ENO4: variants seen among roughly 807,000 people sequenced by gnomAD.
ENO4 encodes 2-phospho-D-glycerate hydro-lyase.
In ENO4, 53 loss-of-function variants were observed where a neutral mutation model predicts 63.2. The observed-to-expected ratio is 0.84, with a 90% confidence interval of 0.67 to 1.05. The LOEUF is 1.05. ENO4 is among the 50% of genes least tolerant of loss of function. The pLI, the probability that ENO4 is intolerant of heterozygous loss-of-function variation, is 0.00. For synonymous variants in ENO4, 266 were observed against 283.8 expected (o/e 0.94, Z 0.63); for missense variants, 719 against 772.0 (o/e 0.93, Z 0.81).
chr10:116,900,516 T>C (rs1382622817), intron 10 of ENO4: 2 of 1,513,062 alleles, frequency 1.3e-6, no homozygotes, highest in Admixed American at 3.9e-5. Context: ...AGGAAGGAGT[T>C]GCAGTATTTT....
chr10:116,852,946 G>A (rs1329340499), intron 1 of ENO4, among the ~76,000 whole-genome samples: 1 of 152,154 alleles, frequency 6.6e-6, no homozygotes, highest in African/African-American at 2.4e-5. Context: ...CAGATTACAG[G>A]ACCATGAGCA....
chr10:116,854,244 G>A (rs12256769), intron 1 of ENO4, among the ~76,000 whole-genome samples: 3,990 of 152,114 alleles, frequency 0.026, 148 homozygotes, highest in African/African-American at 0.079. Context: ...AAAATATCAC[G>A]TGCCTTGCTG....
chr10:116,900,984 A>T, intron 10 of ENO4: 1 of 985,440 alleles, frequency 1.0e-6, no homozygotes, highest in Non-Finnish European at 1.2e-6. Context: ...TAAGACAGCT[A>T]GAGTTACAAA....
intron 8 of ENO4, among the ~76,000 whole-genome samples, chr10:116,870,409 G>A (rs1024201560): frequency 6.6e-6 from 1 of 152,106 alleles, no homozygotes; most frequent in African/African-American, 2.4e-5. Context: ...TGTAATCACA[G>A]CACTTTGGGA....
chr10:116,851,369 C>T (rs142120574), intron 1 of ENO4, among the ~76,000 whole-genome samples: 1 of 152,270 alleles, frequency 6.6e-6, no homozygotes, highest in African/African-American at 2.4e-5. Flanking sequence ...GCTTGGACTT[C>T]GAAGGATGTT....
At chr10:116,886,554 G>A (rs1213965562), downstream of ENO4, 4 of 1,613,972 alleles carry the variant, frequency 2.5e-6, no homozygotes, top group Non-Finnish European at 3.4e-6. Context: ...TGCATCCAAT[G>A]CTACTGGGAG....
chr10:116,855,845 A>G (rs1846244042), intron 2 of ENO4, 94 bp downstream of exon 2: 2 of 1,345,250 alleles, frequency 1.5e-6, no homozygotes, highest in South Asian at 3.1e-5. Flanking sequence ...TTGTTTTGAA[A>G]TTCAGTGTTT....
chr10:116,900,166 TTTTA>T (rs1204893705), intron 10 of ENO4: 9 of 187,984 alleles, frequency 4.8e-5, no homozygotes, highest in Admixed American at 4.6e-4. Flanking sequence ...GCATCAGTTA[TTTTA>T]TTTAGCTAAA....
chr10:116,901,716 C>A, intron 10 of ENO4: 1 of 1,456,462 alleles, frequency 6.9e-7, no homozygotes, highest in Non-Finnish European at 9.0e-7. Context: ...ACAAGTTAGT[C>A]ATTACAGATT....
At chr10:116,866,635 G>A (rs1017552737) in intron 7 of ENO4, among the ~76,000 whole-genome samples, 8 of 151,936 alleles carry the variant, frequency 5.3e-5, no homozygotes, top group South Asian at 2.1e-4. Flanking sequence ...GCAACATAGC[G>A]AGACCTTGTC....
downstream of ENO4, chr10:116,885,192 C>T (rs1278088906): frequency 6.6e-6 from 1 of 152,620 alleles, no homozygotes; most frequent in Non-Finnish European, 1.5e-5. Context: ...AAACACCTGA[C>T]AGCTACATGC....
rs549105131 is a variant in ENO4, at chr10:116,895,313, G to A, written c.1194+15327G>A. ...ATGTGCAAATAGAACTTATGCTGAC[G>A]ACTAAAGTAGCTTAAGGCTGGTATT... On this transcript the variant is annotated intron_variant, in intron 10 of 10. Transcript: ENST00000369207. 9.2e-5 allele frequency among the ~76,000 whole-genome samples: 14 copies of A among 152,272 alleles called. No individual in the cohort carries two copies. The East Asian group carries it at 1.9e-3, about 21-fold the overall frequency.
chr10:116,892,203 T>C (rs1270586868), intron 10 of ENO4, among the ~76,000 whole-genome samples: 2 of 152,210 alleles, frequency 1.3e-5, no homozygotes, highest in African/African-American at 2.4e-5. Context: ...GGGAGCCTTG[T>C]AGCTTGTACC....
At chr10:116,874,031 T>C (rs1479314795) in intron 9 of ENO4, 45 bp from the exon 10 acceptor site, 4 of 1,485,072 alleles carry the variant, frequency 2.7e-6, no homozygotes, top group African/African-American at 2.8e-5. Context: ...ATTTGATGAA[T>C]TCATTATTTA....
chr10:116,911,920 A>C, downstream of ENO4: 1 of 1,008,896 alleles, frequency 9.9e-7, no homozygotes, highest in Non-Finnish European at 1.6e-6. Context: ...TACATGGCAA[A>C]CTATTAGTAG....
intron 7 of ENO4, among the ~76,000 whole-genome samples, chr10:116,868,189 T>A (rs565769410): frequency 2.6e-5 from 4 of 152,278 alleles, no homozygotes; most frequent in African/African-American, 9.6e-5. Context: ...CAGGAGAAAG[T>A]GTTTGCACTC....
intron 11 of ENO4, among the ~76,000 whole-genome samples, chr10:116,878,900 C>T (rs553898963): frequency 1.3e-4 from 19 of 151,894 alleles, no homozygotes; most frequent in Admixed American, 1.0e-3. Flanking sequence ...CCTACCACCA[C>T]GCCCGGCTAA....
At position 116,878,773 on chromosome 10, in the gene ENO4, T is replaced by C. The variant is rs530604893; in HGVS notation, c.1538-518T>C. Among the ~76,000 whole-genome samples, 256 of 140,318 alleles carry C rather than the reference T, an allele frequency of 1.8e-3. 1 individual carries two copies. Among genetic ancestry groups the C allele is most frequent in the South Asian group, 0.011 (47 of 4,226 alleles). The allele number at this position is 140,318 out of a possible 152,430, so 92.1% of individuals were successfully genotyped here. ...TTTTTTTTTTTTTGAGACGGAGTCT[T>C]GCTCTGTCGCCCAGAGCTGGAGTGC... On this transcript the variant is annotated intron_variant, in intron 11 of 13. Coordinates refer to ENST00000341276, the MANE Select transcript of ENO4 (RefSeq NM_001242699.2).
In ENO4 at chr10:116,861,110, T is replaced by A. The variant is rs892021844; in HGVS notation, c.856T>A (p.Cys286Ser). The change falls in exon 6 of 14, where the codon TGT becomes AGT. Residue 286 changes from cysteine (C) to serine (S), a missense_variant. Cys to Ser is a moderately radical substitution (Grantham distance 112). Around this residue, in one of 3 missense-constraint regions of ENO4, gnomAD observed 544 missense variants for 583.6 expected, o/e 0.93. Transcript: ENST00000341276. ...TTTGCTGATGGTATCGCTGGTCAGC[T>A]GTGGGAAGTCATCATCTGGGAAGCT... is the stretch of plus-strand genomic sequence containing the variant. Reference protein sequence around the residue: ...MPLLMVSLVSCGKSSSGKLNL... With the variant: ...MPLLMVSLVSSGKSSSGKLNL... The A allele has an allele frequency of 6.5e-7, 1 of 1,549,310 alleles. No homozygotes were observed. The highest frequency in any genetic ancestry group is 1.4e-5 in the African/African-American group (1 of 73,060).
Sources: allele counts gnomAD v4.1 joint callset (sites outside exome capture counted in the v4.1 genomes callset), GRCh38; gene constraint gnomAD v4.1.1; regional missense constraint gnomAD v4.1.1; transcripts MANE v1.5; gene names NCBI Gene and HGNC (gene_info 2026-07-23, HGNC 2026-07-21).